The following PLB1 variants were observed in gnomAD, a reference collection of about 807,000 sequenced individuals.
PLB1 encodes the protein phospholipase B1.
Under a neutral mutation model 227.4 loss-of-function variants are expected in PLB1, and 242 were observed. That is an observed-to-expected ratio of 1.06 (90% CI 0.96 to 1.18). The LOEUF (loss-of-function observed/expected upper bound fraction) is 1.18, where lower values mean the gene tolerates loss of function less well. Ranked by LOEUF, PLB1 falls within the 50% of genes most tolerant of loss-of-function variation. PLB1 has a pLI of 0.00. For missense variants in PLB1, 1,858 were observed against 1,816.3 expected (o/e 1.02, Z -0.42); for synonymous variants, 757 against 682.2 (o/e 1.11, Z -1.71).
intron 39 of PLB1, 25 bp downstream of exon 39, chr2:28,602,946 C>T: frequency 1.3e-6 from 2 of 1,593,640 alleles, no homozygotes; most frequent in Non-Finnish European, 1.7e-6. Flanking sequence ...GCTGTCCCCA[C>T]ACTGGAGATG....
intron 43 of PLB1, among the ~76,000 whole-genome samples, chr2:28,608,598 T>G (rs1458090913): frequency 6.6e-6 from 1 of 152,228 alleles, no homozygotes; most frequent in Non-Finnish European, 1.5e-5. Flanking sequence ...ACAGACAACT[T>G]TTGACTAGCC....
chr2:28,625,959 C>A (rs1421782664), intron 50 of PLB1, among the ~76,000 whole-genome samples: 23 of 150,732 alleles, frequency 1.5e-4, no homozygotes, highest in Admixed American at 1.5e-3. Flanking sequence ...CTTATCCTAG[C>A]ACCAATTGAG....
intron 22 of PLB1, among the ~76,000 whole-genome samples, chr2:28,578,521 G>A (rs1027935038): frequency 1.3e-5 from 2 of 152,110 alleles, no homozygotes; most frequent in Admixed American, 6.6e-5. Flanking sequence ...AGGGACCGGC[G>A]CCTCTGCTTA....
chr2:28,625,017 T>C, intron 49 of PLB1, 40 bp from the exon 50 acceptor site: 1 of 1,598,200 alleles, frequency 6.3e-7, no homozygotes, highest in Non-Finnish European at 8.6e-7. Flanking sequence ...TCCTCGCTCC[T>C]GAGCCGGCAC....
At chr2:28,508,064 A>G (rs985017208) in intron 1 of PLB1, among the ~76,000 whole-genome samples, 1 of 152,236 alleles carries the variant, frequency 6.6e-6, no homozygotes, top group African/African-American at 2.4e-5. Flanking sequence ...GGGCAAAACA[A>G]TAGATTTCTT....
intron 4 of PLB1, among the ~76,000 whole-genome samples, chr2:28,524,061 C>T (rs1339612069): frequency 6.6e-6 from 1 of 152,234 alleles, no homozygotes; most frequent in Non-Finnish European, 1.5e-5. Flanking sequence ...TCCCAGTCAG[C>T]CTGTCCTACC....
rs1212526052 is a variant in PLB1, at chr2:28,606,487, C to A, written c.3058-9C>A. ...CTACACCCGTGTCTCTCTTTTCTTC[C>A]CTGATCAGCTTGAACCACTTGGAAG... On this transcript the variant is annotated splice_polypyrimidine_tract_variant and intron_variant, in intron 42 of 57. Coordinates refer to ENST00000327757, the MANE Select transcript of PLB1 (RefSeq NM_153021.5). 25 of 1,613,450 alleles carry A rather than the reference C, an allele frequency of 1.5e-5. No individual in the cohort carries two copies. Among genetic ancestry groups the A allele is most frequent in the African/African-American group, 2.7e-5 (2 of 74,910 alleles).
intron 4 of PLB1, among the ~76,000 whole-genome samples, chr2:28,522,628 C>T (rs1669671005): frequency 1.3e-5 from 2 of 152,164 alleles, no homozygotes; most frequent in African/African-American, 4.8e-5. Flanking sequence ...TAACTTTAAG[C>T]CCGTCAGTGA....
rs551318742 is a variant in PLB1 at position 28,516,264 on chromosome 2, A to G, written c.56-544A>G. On this transcript the variant is annotated intron_variant, in intron 1 of 57. Transcript: ENST00000327757. ...AGGACAGTGGCTTTGCCATCTCCCT[A>G]CCTGCCTTTTCTTCCCCTTACTCCT... Among the ~76,000 whole-genome samples the G allele has an allele frequency of 1.1e-4, 17 of 152,326 alleles. No homozygotes were observed. In the South Asian group the frequency reaches 2.7e-3, roughly 24 times the overall value.
intron 33 of PLB1, among the ~76,000 whole-genome samples, chr2:28,597,091 A>G (rs111751080): frequency 0.076 from 11,589 of 151,986 alleles, 1,205 homozygotes; most frequent in African/African-American, 0.24. Flanking sequence ...GTGGAACCCC[A>G]TCTCTACTAA....
chr2:28,570,502 A>T (rs1024233106), intron 20 of PLB1, among the ~76,000 whole-genome samples: 1 of 118,438 alleles, frequency 8.4e-6, no homozygotes, highest in African/African-American at 2.6e-5. Context: ...ACACTCAACA[A>T]AGGCCGGGCG....
intron 17 of PLB1, among the ~76,000 whole-genome samples, chr2:28,554,965 T>A (rs1008213952): frequency 1.3e-5 from 2 of 152,036 alleles, no homozygotes; most frequent in Non-Finnish European, 2.9e-5. Context: ...TTTAGGCTCC[T>A]CGATCTGACC....
intron 54 of PLB1, 46 bp downstream of exon 54, chr2:28,630,710 C>T: frequency 6.6e-7 from 1 of 1,520,184 alleles, no homozygotes; most frequent in Non-Finnish European, 9.0e-7. Context: ...GGGGGGCCCC[C>T]TGTACTCCAA....
rs1690236676 is a variant in PLB1, at chr2:28,644,129, G to A, written c.*1068G>A. On this transcript the variant is annotated 3_prime_UTR_variant, in exon 58 of 58. Transcript: ENST00000327757. ...TTCACTTCAATAAAAAAGAATCCAG[G>A]GAGGTAGACATCATCTGCATTGTAA... 6.6e-6 allele frequency among the ~76,000 whole-genome samples: 1 copy of A among 152,176 alleles called. No individual in the cohort carries two copies. Among genetic ancestry groups the A allele is most frequent in the Non-Finnish European group, 1.5e-5 (1 of 68,030 alleles).
intron 14 of PLB1, among the ~76,000 whole-genome samples, chr2:28,545,804 C>T (rs182687543): frequency 6.6e-6 from 1 of 152,064 alleles, no homozygotes; most frequent in African/African-American, 2.4e-5. Context: ...TCTACCCTCG[C>T]AGACACACAG....
At chr2:28,586,829 C>G (rs113053195) in intron 26 of PLB1, among the ~76,000 whole-genome samples, 92 of 152,242 alleles carry the variant, frequency 6.0e-4, no homozygotes, top group African/African-American at 2.1e-3. Context: ...CTCACTGCAG[C>G]CTTGACCTCC....
At chr2:28,611,282 A>G (rs1685423228) in intron 43 of PLB1, among the ~76,000 whole-genome samples, 2 of 152,104 alleles carry the variant, frequency 1.3e-5, no homozygotes. Context: ...GTGATCAAAT[A>G]GATTCAATGA....
chr2:28,517,006 C>T (rs1036088032), intron 2 of PLB1, 137 bp downstream of exon 2: 12 of 815,554 alleles, frequency 1.5e-5, no homozygotes, highest in Admixed American at 4.8e-5. Flanking sequence ...CTGGATGAAC[C>T]GCTTCCCCCA....
At position 28,519,702 on chromosome 2, in the gene PLB1, C is replaced by G. The variant is rs762512429; in HGVS notation, c.185-3C>G. 3 of 1,606,922 alleles carry G rather than the reference C, an allele frequency of 1.9e-6. No homozygotes were observed. The African/African-American group carries it at 4.0e-5, about 21-fold the overall frequency. On this transcript the variant is annotated splice_polypyrimidine_tract_variant and splice_region_variant and intron_variant, in intron 3 of 57. Transcript: ENST00000327757. Reference sequence around the variant, plus strand: ...CTTCCTATATGGGTTCTTGTCTCCACAGTTCACTCTCTGAAGCCTTCTGAT... The same window carrying G: ...CTTCCTATATGGGTTCTTGTCTCCAGAGTTCACTCTCTGAAGCCTTCTGAT...
Sources: allele counts gnomAD v4.1 joint callset (sites outside exome capture counted in the v4.1 genomes callset), GRCh38; gene constraint gnomAD v4.1.1; transcripts MANE v1.5; gene names NCBI Gene and HGNC (gene_info 2026-07-23, HGNC 2026-07-21).